The following SPAG16 variants were observed in gnomAD, a reference collection of about 807,000 sequenced individuals.
SPAG16 encodes the protein sperm-associated antigen 16 protein.
Under a neutral mutation model 80.4 loss-of-function variants are expected in SPAG16, and 86 were observed. The ratio of observed to expected loss-of-function variants is 1.07; its 90% CI spans 0.90 to 1.28. The LOEUF is 1.28. Among genes scored for constraint, SPAG16 ranks in the 50% most tolerant of loss-of-function variants. SPAG16 has a pLI of 0.00. For missense variants in SPAG16, 870 were observed against 765.3 expected (o/e 1.14, Z -1.61); for synonymous variants, 294 against 265.9 (o/e 1.11, Z -1.03).
At chr2:213,585,217 T>C (rs2060427670) in intron 10 of SPAG16, among the ~76,000 whole-genome samples, 1 of 151,638 alleles carries the variant, frequency 6.6e-6, no homozygotes, top group South Asian at 2.1e-4. Flanking sequence ...CTTGAATATT[T>C]AACAATACCT....
intron 12 of SPAG16, among the ~76,000 whole-genome samples, chr2:214,004,121 G>A (rs114072175): frequency 0.025 from 3,871 of 152,230 alleles, 161 homozygotes; most frequent in African/African-American, 0.089. Context: ...AGCAAAAAGG[G>A]CTGTGAGTAT....
At chr2:213,969,261 C>T (rs568996608) in intron 12 of SPAG16, among the ~76,000 whole-genome samples, 1 of 152,254 alleles carries the variant, frequency 6.6e-6, no homozygotes. Context: ...TGTTAGAGCT[C>T]TTTAATAATT....
chr2:213,809,936 T>C (rs1407092711), intron 10 of SPAG16, among the ~76,000 whole-genome samples: 1 of 152,172 alleles, frequency 6.6e-6, no homozygotes, highest in Non-Finnish European at 1.5e-5. Flanking sequence ...GTATTCATAA[T>C]TGAGGAAGCT....
At chr2:213,425,496 A>C (rs1468998939) in intron 9 of SPAG16, among the ~76,000 whole-genome samples, 5 of 151,738 alleles carry the variant, frequency 3.3e-5, no homozygotes, top group Non-Finnish European at 7.4e-5. Flanking sequence ...CTAAAAATAC[A>C]AAAAAATTAA....
intron 15 of SPAG16, among the ~76,000 whole-genome samples, chr2:214,300,499 T>A (rs1247898166): frequency 6.6e-6 from 1 of 152,082 alleles, no homozygotes; most frequent in Non-Finnish European, 1.5e-5. Flanking sequence ...ATTTGAGTCT[T>A]TTTTACAAAT....
chr2:213,496,922 C>T (rs1045798309), intron 10 of SPAG16, among the ~76,000 whole-genome samples: 3 of 151,222 alleles, frequency 2.0e-5, no homozygotes, highest in Non-Finnish European at 4.4e-5. Flanking sequence ...TACATCCCAT[C>T]AAAACAAACA....
rs578132846 is a variant in SPAG16 at position 213,674,573 on chromosome 2, C to T, written c.1070+184483C>T. 2.0e-5 allele frequency among the ~76,000 whole-genome samples: 3 copies of T among 149,232 alleles called. No homozygotes were observed. The South Asian group carries it at 6.2e-4, about 31-fold the overall frequency. Reference sequence around the variant, plus strand: ...CAACAGTCCCCAGAGTGTGATGTTCCCCTTTCTGTGTCCATGTGTTCTCAT... The same window carrying T: ...CAACAGTCCCCAGAGTGTGATGTTCTCCTTTCTGTGTCCATGTGTTCTCAT... On this transcript the variant is annotated intron_variant, in intron 10 of 15. Transcript: ENST00000331683.
intron 9 of SPAG16, among the ~76,000 whole-genome samples, chr2:213,385,477 C>G (rs2067379245): frequency 6.6e-6 from 1 of 152,196 alleles, no homozygotes; most frequent in South Asian, 2.1e-4. Flanking sequence ...CCCATAGGTA[C>G]ATGTTGGCTA....
At chr2:213,798,727 C>T (rs1267462867) in intron 10 of SPAG16, among the ~76,000 whole-genome samples, 13 of 152,144 alleles carry the variant, frequency 8.5e-5, no homozygotes, top group Admixed American at 7.2e-4. Flanking sequence ...TGTTTAGGTC[C>T]GTGATCCATT....
intron 4 of SPAG16, among the ~76,000 whole-genome samples, chr2:213,315,212 A>G (rs529386768): frequency 6.6e-6 from 1 of 152,004 alleles, no homozygotes; most frequent in South Asian, 2.1e-4. Flanking sequence ...TAAAATTGTA[A>G]TTATTTACAA....
intron 10 of SPAG16, among the ~76,000 whole-genome samples, chr2:213,672,866 T>G (rs2063872404): frequency 2.7e-5 from 4 of 149,548 alleles, no homozygotes; most frequent in African/African-American, 7.3e-5. Context: ...TTTGTTTTTT[T>G]TTTTTTTTTT....
At chr2:213,566,079 T>C (rs1297719143) in intron 10 of SPAG16, among the ~76,000 whole-genome samples, 1 of 152,156 alleles carries the variant, frequency 6.6e-6, no homozygotes, top group East Asian at 1.9e-4. Flanking sequence ...AAGCTAGTTT[T>C]TCCAGCTGAA....
At chr2:214,182,753 G>A (rs934331543) in intron 15 of SPAG16, among the ~76,000 whole-genome samples, 1 of 151,778 alleles carries the variant, frequency 6.6e-6, no homozygotes. Flanking sequence ...CTGTATTTTA[G>A]CAATTGTAAG....
intron 15 of SPAG16, among the ~76,000 whole-genome samples, chr2:214,171,510 G>A (rs1488014419): frequency 6.6e-6 from 1 of 151,918 alleles, no homozygotes; most frequent in African/African-American, 2.4e-5. Flanking sequence ...TTTGACTCTA[G>A]TCATTATCAT....
At chr2:213,616,518 T>C (rs2061603066) in intron 10 of SPAG16, among the ~76,000 whole-genome samples, 1 of 152,174 alleles carries the variant, frequency 6.6e-6, no homozygotes, top group African/African-American at 2.4e-5. Context: ...TGGATAGCAG[T>C]AAATCATAGA....
intron 12 of SPAG16, among the ~76,000 whole-genome samples, chr2:213,943,415 A>G (rs1348653094): frequency 2.0e-5 from 3 of 152,206 alleles, no homozygotes; most frequent in Non-Finnish European, 2.9e-5. Context: ...ATAAGTGATC[A>G]TGTAATGTCA....
intron 10 of SPAG16, among the ~76,000 whole-genome samples, chr2:213,631,526 C>T (rs2062151384): frequency 2.0e-5 from 3 of 152,160 alleles, no homozygotes; most frequent in Non-Finnish European, 4.4e-5. Context: ...GTGATTGAAT[C>T]ATGGGGGTGA....
At chr2:213,343,917 G>T (rs1349568477) in intron 6 of SPAG16, among the ~76,000 whole-genome samples, 3 of 152,064 alleles carry the variant, frequency 2.0e-5, no homozygotes, top group Non-Finnish European at 4.4e-5. Context: ...TGAAATCCAA[G>T]AAGAGGCTGG....
intron 13 of SPAG16, among the ~76,000 whole-genome samples, chr2:214,104,845 A>G (rs916839803): frequency 6.6e-6 from 1 of 152,128 alleles, no homozygotes; most frequent in African/African-American, 2.4e-5. Context: ...CTAGCACAGC[A>G]GCCAGGGACT....
Sources: allele counts gnomAD v4.1 joint callset (sites outside exome capture counted in the v4.1 genomes callset), GRCh38; gene constraint gnomAD v4.1.1; transcripts MANE v1.5; gene names NCBI Gene and HGNC (gene_info 2026-07-23, HGNC 2026-07-21).